Variants in MYO6 observed in about 807,000 individuals in gnomAD.
The protein encoded by MYO6 is myosin VI, also known as unconventional myosin-VI.
MYO6 carries 74 observed loss-of-function variants against 178.7 expected under a neutral mutation model. The observed-to-expected ratio is 0.41, with a 90% CI of 0.34 to 0.50. The LOEUF is 0.50. MYO6 is among the 20% of genes least tolerant of loss of function. The pLI is 0.09. For missense variants in MYO6, 1,330 were observed against 1,547.4 expected (o/e 0.86, Z 2.36); for synonymous variants, 477 against 504.6 (o/e 0.95, Z 0.73).
intron 3 of MYO6, among the ~76,000 whole-genome samples, chr6:75,824,259 A>T (rs895240811): frequency 1.3e-5 from 2 of 152,190 alleles, no homozygotes; most frequent in Non-Finnish European, 2.9e-5. Flanking sequence ...TTGCAACCTC[A>T]GTATTTGCTG....
intron 1 of MYO6, among the ~76,000 whole-genome samples, chr6:75,753,113 C>G (rs967673953): frequency 5.9e-5 from 9 of 152,048 alleles, no homozygotes. Context: ...CAAATAAGCC[C>G]ATTTTTTCTG....
intron 1 of MYO6, among the ~76,000 whole-genome samples, chr6:75,815,932 T>A (rs1377050208): frequency 6.6e-6 from 1 of 152,246 alleles, no homozygotes; most frequent in Non-Finnish European, 1.5e-5. Flanking sequence ...GATCCATTGT[T>A]ACATTTTAGT....
At chr6:75,816,511 T>C (rs982732998) in intron 1 of MYO6, among the ~76,000 whole-genome samples, 1 of 152,240 alleles carries the variant, frequency 6.6e-6, no homozygotes, top group Non-Finnish European at 1.5e-5. Flanking sequence ...ATGACCTTGA[T>C]TGGAGTGTTT....
chr6:75,750,614 C>G (rs572561589), intron 1 of MYO6, among the ~76,000 whole-genome samples: 9 of 141,650 alleles, frequency 6.4e-5, no homozygotes, highest in Non-Finnish European at 1.1e-4. Flanking sequence ...TAAAAATTAA[C>G]TTTTTTTTTT....
intron 1 of MYO6, among the ~76,000 whole-genome samples, chr6:75,760,244 A>G (rs893797279): frequency 7.2e-5 from 11 of 152,218 alleles, no homozygotes; most frequent in African/African-American, 2.4e-4. Flanking sequence ...GCTAATGCCA[A>G]TTTTACCTAG....
intron 24 of MYO6, 55 bp downstream of exon 24, chr6:75,886,149 A>G (rs905485229): frequency 3.4e-6 from 4 of 1,192,208 alleles, no homozygotes; most frequent in Non-Finnish European, 4.9e-6. Context: ...CTGTAATACA[A>G]AATGACAATA....
At chr6:75,895,518 A>ATT (rs372759632) in intron 29 of MYO6, among the ~76,000 whole-genome samples, 2 of 140,182 alleles carry the variant, frequency 1.4e-5, no homozygotes, top group African/African-American at 2.6e-5. Flanking sequence ...ATATATATGA[A>ATT]TTTTTTTTTT....
intron 18 of MYO6, 89 bp from the exon 19 acceptor site, chr6:75,870,558 T>TTA: frequency 9.9e-7 from 1 of 1,006,212 alleles, no homozygotes; most frequent in Admixed American, 1.9e-5. Context: ...GCATGTTATT[T>TTA]TATTCCAGTA....
At chr6:75,852,425 A>G (rs906966407) in intron 11 of MYO6, among the ~76,000 whole-genome samples, 3 of 152,054 alleles carry the variant, frequency 2.0e-5, no homozygotes, top group Non-Finnish European at 4.4e-5. Flanking sequence ...CAGTATTTTC[A>G]GAGTTGTGCA....
At chr6:75,911,613 G>A in intron 32 of MYO6, 59 bp from the exon 33 acceptor site, 2 of 1,433,622 alleles carry the variant, frequency 1.4e-6, no homozygotes, top group South Asian at 1.2e-5. Flanking sequence ...TTAGAAAAAT[G>A]CTCATTTAAC....
intron 1 of MYO6, among the ~76,000 whole-genome samples, chr6:75,793,154 T>C (rs1768417008): frequency 6.6e-6 from 1 of 152,156 alleles, no homozygotes; most frequent in African/African-American, 2.4e-5. Context: ...CTGTTTCCCC[T>C]TAGGGAAAAT....
chr6:75,831,954 A>G lies in MYO6; in HGVS notation c.392-888A>G, dbSNP rs540050012. 1.3e-4 allele frequency among the ~76,000 whole-genome samples: 20 copies of G among 151,978 alleles called. No homozygotes were observed. The South Asian group carries it at 1.9e-3, about 14-fold the overall frequency. Reference sequence around the variant, plus strand: ...GACAAAGGGATGTGTGCGCTCTTGTATATGGTTTGCATTCTCCCCTTAGAG... The same window carrying G: ...GACAAAGGGATGTGTGCGCTCTTGTGTATGGTTTGCATTCTCCCCTTAGAG... On this transcript the variant is annotated intron_variant, in intron 5 of 34. Coordinates refer to ENST00000369977, the MANE Select transcript of MYO6 (RefSeq NM_004999.4).
intron 1 of MYO6, among the ~76,000 whole-genome samples, chr6:75,772,194 C>T (rs908904651): frequency 2.2e-4 from 34 of 152,116 alleles, no homozygotes; most frequent in African/African-American, 8.2e-4. Context: ...GATGAAGTTT[C>T]TGTAACCTCT....
chr6:75,891,170 T>C, intron 26 of MYO6, 58 bp from the exon 27 acceptor site: 1 of 1,198,096 alleles, frequency 8.3e-7, no homozygotes, highest in Admixed American at 2.0e-5. Context: ...TTAAATTGCC[T>C]TCTGAAGGAT....
At chr6:75,811,166 T>G (rs1427267436) in intron 1 of MYO6, among the ~76,000 whole-genome samples, 1 of 152,180 alleles carries the variant, frequency 6.6e-6, no homozygotes, top group Non-Finnish European at 1.5e-5. Context: ...TTTGTGTGGT[T>G]GGTGTGAGGA....
intron 20 of MYO6, among the ~76,000 whole-genome samples, chr6:75,874,748 C>G (rs1426721086): frequency 6.6e-6 from 1 of 152,182 alleles, no homozygotes; most frequent in Admixed American, 6.5e-5. Flanking sequence ...TTACAGCTAC[C>G]TCTTCCTCCT....
At chr6:75,804,081 A>ACTCCAC (rs1391454959) in intron 1 of MYO6, among the ~76,000 whole-genome samples, 1 of 152,140 alleles carries the variant, frequency 6.6e-6, no homozygotes, top group Non-Finnish European at 1.5e-5. Flanking sequence ...TTTGGTGGAG[A>ACTCCAC]CAAGGTCCCA....
chr6:75,786,685 C>G (rs1317586493), intron 1 of MYO6, among the ~76,000 whole-genome samples: 2 of 152,062 alleles, frequency 1.3e-5, no homozygotes, highest in Non-Finnish European at 2.9e-5. Context: ...TCCTGCATAC[C>G]CTTTACCCAG....
At chr6:75,866,233 GT>G (rs982563636) in intron 16 of MYO6, among the ~76,000 whole-genome samples, 22 of 148,198 alleles carry the variant, frequency 1.5e-4, no homozygotes, top group Admixed American at 4.7e-4. Context: ...TTTAAATTGT[GT>G]TTTTTTTTGG....
Sources: gnomAD v4.1 joint callset for allele counts (sites outside exome capture counted in the v4.1 genomes callset) on GRCh38, gnomAD v4.1.1 for gene constraint, MANE v1.5 for transcripts, NCBI Gene and HGNC (gene_info 2026-07-23, HGNC 2026-07-21) for gene names.